Variants in DAAM2 observed in about 807,000 individuals in gnomAD.
The protein encoded by DAAM2 is dishevelled associated activator of morphogenesis 2, also known as disheveled-associated activator of morphogenesis 2.
A neutral mutation model predicts 120.7 loss-of-function variants in DAAM2; 39 were observed. The observed-to-expected ratio is 0.32, with a 90% CI of 0.25 to 0.42. The LOEUF is 0.42. DAAM2 is among the 10% of genes least tolerant of loss of function. The pLI is 1.00. For synonymous variants in DAAM2, 488 were observed against 524.9 expected, an observed-to-expected ratio of 0.93 and a Z score of 0.96; for missense variants, 1,283 against 1,401.7, an observed-to-expected ratio of 0.92 and a Z score of 1.35.
At chr6:39,828,205 C>T (rs116240417) in intron 1 of DAAM2, among the ~76,000 whole-genome samples, 145 of 152,336 alleles carry the variant, frequency 9.5e-4, no homozygotes, top group Non-Finnish European at 1.6e-3. Flanking sequence ...ATTCCACACA[C>T]TGGGTAATTT....
chr6:39,831,621 G>A (rs551447229), intron 1 of DAAM2, among the ~76,000 whole-genome samples: 2 of 151,130 alleles, frequency 1.3e-5, no homozygotes, highest in South Asian at 2.1e-4. Context: ...CTCTGCCAGG[G>A]CCACAAAGAC....
intron 11 of DAAM2, 50 bp downstream of exon 11, chr6:39,875,518 T>C (rs1764835566): frequency 6.3e-7 from 1 of 1,582,758 alleles, no homozygotes; most frequent in Non-Finnish European, 8.6e-7. Context: ...TCCTCATCAC[T>C]CTCCCACTCT....
At chr6:39,829,677 C>T (rs184601562) in intron 1 of DAAM2, among the ~76,000 whole-genome samples, 81 of 152,306 alleles carry the variant, frequency 5.3e-4, no homozygotes, top group Non-Finnish European at 8.8e-5. Flanking sequence ...TTCATTGGCA[C>T]ACTCAGACAT....
Position 39,904,809 on chromosome 6 carries a change from C to T in DAAM2, c.*2772C>T. On this transcript the variant is annotated 3_prime_UTR_variant, in exon 25 of 25. Coordinates refer to ENST00000274867, the MANE Select transcript of DAAM2 (RefSeq NM_001201427.2). ...TCTACAGTGTCCTTTTTCACTTGCA[C>T]CTTTTTTATAAGAATATATTGTAAT... 2.2e-6 allele frequency: 1 copy of T among 454,056 alleles called. No homozygotes were observed. Among genetic ancestry groups the T allele is most frequent in the South Asian group, 1.6e-5 (1 of 64,458 alleles). 28.1% of individuals were successfully genotyped at this position (454,056 alleles called of 1,614,324 possible).
At chr6:39,831,995 A>G (rs1762928618) in intron 1 of DAAM2, among the ~76,000 whole-genome samples, 2 of 105,642 alleles carry the variant, frequency 1.9e-5, no homozygotes, top group Non-Finnish European at 3.7e-5. Flanking sequence ...GGGTAGGTGC[A>G]CTGGGGAGGC....
At chr6:39,835,878 A>T (rs926465469) in intron 1 of DAAM2, among the ~76,000 whole-genome samples, 1 of 152,110 alleles carries the variant, frequency 6.6e-6, no homozygotes, top group Non-Finnish European at 1.5e-5. Flanking sequence ...TCATACAAAG[A>T]CACAGGCCCA....
chr6:39,861,240 A>T (rs1165561624), intron 3 of DAAM2: 1 of 605,882 alleles, frequency 1.7e-6, no homozygotes, highest in Non-Finnish European at 3.1e-6. Flanking sequence ...TTAAAGCAGG[A>T]CCTGCTGCAT....
intron 15 of DAAM2, chr6:39,887,240 T>TAA: frequency 7.2e-6 from 3 of 416,308 alleles, no homozygotes; most frequent in East Asian, 9.1e-5. Flanking sequence ...TCTAAAAAAA[T>TAA]AAAAAAAATA....
Position 39,901,541 on chromosome 6 carries a change from G to A in DAAM2, c.2982+69G>A. 6.6e-7 allele frequency: 1 copy of A among 1,513,292 alleles called. No homozygotes were observed. Among genetic ancestry groups the A allele is most frequent in the Non-Finnish European group, 8.9e-7 (1 of 1,124,056 alleles). 93.7% of individuals were successfully genotyped at this position (1,513,292 alleles called of 1,614,324 possible). Reference sequence around the variant, plus strand: ...TACTTGGGGAGAACACCCCCAAACTGGGGTGTGTGGGAGGAGGGCAGAGAC... The same window carrying A: ...TACTTGGGGAGAACACCCCCAAACTAGGGTGTGTGGGAGGAGGGCAGAGAC... On this transcript the variant is annotated intron_variant, in intron 24 of 24. Transcript: ENST00000274867. The surrounding 1 kb of genome is among the most constrained non-coding windows in gnomAD (Gnocchi z 4.5).
intron 1 of DAAM2, among the ~76,000 whole-genome samples, chr6:39,830,073 A>C (rs957750251): frequency 6.6e-6 from 1 of 151,406 alleles, no homozygotes; most frequent in African/African-American, 2.4e-5. Context: ...CCCCTTTCCG[A>C]CTGGGAGATT....
At chr6:39,893,320 CT>C (rs1765854952) in intron 19 of DAAM2, among the ~76,000 whole-genome samples, 1 of 152,106 alleles carries the variant, frequency 6.6e-6, no homozygotes, top group Admixed American at 6.5e-5. Context: ...ATTGAGACCA[CT>C]CTGGCTAACA....
chr6:39,798,080 A>G (rs1368270322), intron 1 of DAAM2, among the ~76,000 whole-genome samples: 1 of 152,206 alleles, frequency 6.6e-6, no homozygotes, highest in African/African-American at 2.4e-5. Context: ...ACCATCTAGC[A>G]TTTCACAGGA....
intron 11 of DAAM2, among the ~76,000 whole-genome samples, chr6:39,876,883 G>C (rs1026677650): frequency 6.6e-6 from 1 of 152,184 alleles, no homozygotes; most frequent in African/African-American, 2.4e-5. Flanking sequence ...GGACAGGAAG[G>C]AAAGAGGGAA....
At chr6:39,828,615 T>C (rs1481262670) in intron 1 of DAAM2, among the ~76,000 whole-genome samples, 1 of 144,566 alleles carries the variant, frequency 6.9e-6, no homozygotes, top group Admixed American at 7.3e-5. Flanking sequence ...CAGGCTGGAG[T>C]GCAATGGTGC....
At chr6:39,835,222 G>C (rs1763058884) in intron 1 of DAAM2, among the ~76,000 whole-genome samples, 1 of 152,238 alleles carries the variant, frequency 6.6e-6, no homozygotes, top group Non-Finnish European at 1.5e-5. Context: ...TCCAGGTAGT[G>C]ACTGAAGATG....
At chr6:39,871,631 A>AATGGGGTAG in intron 9 of DAAM2, 59 bp downstream of exon 9, 1 of 1,478,756 alleles carries the variant, frequency 6.8e-7, no homozygotes, top group Non-Finnish European at 9.2e-7. Flanking sequence ...TGGTGGCCCC[A>AATGGGGTAG]CAGCCACTTT....
chr6:39,808,078 T>G (rs1182906722), intron 1 of DAAM2, among the ~76,000 whole-genome samples: 1 of 57,328 alleles, frequency 1.7e-5, no homozygotes, highest in Non-Finnish European at 5.5e-5. Flanking sequence ...TTTTGACCTT[T>G]TTTTTTTTTT....
chr6:39,827,659 C>T (rs766517529), intron 1 of DAAM2, among the ~76,000 whole-genome samples: 12 of 152,152 alleles, frequency 7.9e-5, no homozygotes, highest in Non-Finnish European at 1.0e-4. Flanking sequence ...CCTTGGGGTC[C>T]TCATGCCTGG....
intron 1 of DAAM2, chr6:39,820,417 C>G (rs1435563229): frequency 6.6e-6 from 1 of 152,162 alleles, no homozygotes; most frequent in East Asian, 1.9e-4. Flanking sequence ...AAACTTAACT[C>G]AAATAGATTT....
Sources: allele counts gnomAD v4.1 joint callset (sites outside exome capture counted in the v4.1 genomes callset), GRCh38; gene constraint gnomAD v4.1.1; non-coding constraint Gnocchi (gnomAD v3.1); transcripts MANE v1.5; gene names NCBI Gene and HGNC (gene_info 2026-07-23, HGNC 2026-07-21).